The following VSIG10 variants were observed in gnomAD, a reference collection of about 807,000 sequenced individuals.
The protein encoded by VSIG10 is V-set and immunoglobulin domain-containing protein 10.
Under a neutral mutation model 58.7 loss-of-function variants are expected in VSIG10, and 48 were observed. The ratio of observed to expected loss-of-function variants is 0.82; its 90% confidence interval spans 0.65 to 1.04. VSIG10 has a LOEUF of 1.04. Among genes scored for constraint, VSIG10 ranks in the 50% least tolerant of loss-of-function variants. The pLI is 0.00. For synonymous variants in VSIG10, 260 were observed against 267.1 expected (o/e 0.97, Z 0.26); for missense variants, 628 against 670.0 (o/e 0.94, Z 0.69).
At chr12:118,086,270 C>A (rs943069492) in intron 2 of VSIG10, among the ~76,000 whole-genome samples, 1 of 152,030 alleles carries the variant, frequency 6.6e-6, no homozygotes, top group Non-Finnish European at 1.5e-5. Context: ...CAAGACCACC[C>A]TGGGCAATAT....
intron 1 of VSIG10, among the ~76,000 whole-genome samples, chr12:118,096,832 A>G (rs77163246): frequency 0.26 from 38,986 of 151,646 alleles, 5,340 homozygotes; most frequent in Admixed American, 0.32. Context: ...TAAGGTCAGG[A>G]GTTCGAGACC....
chr12:118,098,928 G>GGA (rs898272528), intron 1 of VSIG10, among the ~76,000 whole-genome samples: 1 of 150,628 alleles, frequency 6.6e-6, no homozygotes, highest in Non-Finnish European at 1.5e-5. Flanking sequence ...GGGGGTTGGG[G>GGA]GGGGTCTCAC....
chr12:118,090,906 G>A (rs1035999663), intron 2 of VSIG10, among the ~76,000 whole-genome samples: 5 of 152,112 alleles, frequency 3.3e-5, no homozygotes, highest in African/African-American at 4.8e-5. Flanking sequence ...GGACCAAGGC[G>A]GGTGGATCAC....
At position 118,064,089 on chromosome 12, in the gene VSIG10, A is replaced by G. The variant is rs1342169325; in HGVS notation, c.*2550T>C. On this transcript the variant is annotated 3_prime_UTR_variant, in exon 9 of 9. Transcript: ENST00000359236. ...ATTTTTTTTAAAGCACAGTGTAACA[A>G]CTTGGACTTTGCCACACAAACTGTA... 2.0e-5 allele frequency: 3 copies of G among 152,224 alleles called. No homozygotes were observed. The highest frequency in any genetic ancestry group is 1.3e-4 in the Admixed American group (2 of 15,284). The allele number at this position is 152,224 out of a possible 1,614,324, so 9.4% of individuals were successfully genotyped here. A position where few individuals can be genotyped will look rare whatever the true frequency, so the allele number is the denominator to read the frequency against.
intron 1 of VSIG10, among the ~76,000 whole-genome samples, chr12:118,100,714 A>G (rs2033602793): frequency 1.3e-5 from 2 of 152,058 alleles, no homozygotes; most frequent in South Asian, 4.1e-4. Context: ...ATTTTTGTAG[A>G]GACAGGGTTT....
chr12:118,093,395 A>C (rs2033355831), intron 2 of VSIG10, among the ~76,000 whole-genome samples: 2 of 151,828 alleles, frequency 1.3e-5, no homozygotes, highest in Non-Finnish European at 2.9e-5. Flanking sequence ...TTTTTTGTAA[A>C]TATGGGGTCT....
chr12:118,095,572 T>A lies in VSIG10; in HGVS notation c.322A>T (p.Asn108Tyr). The A allele has an allele frequency of 6.2e-7, 1 of 1,613,922 alleles. No homozygotes were observed. Among genetic ancestry groups the A allele is most frequent in the Non-Finnish European group, 8.5e-7 (1 of 1,179,880 alleles). The stretch of plus-strand genomic sequence containing the variant: ...CACACTTGGAACCACTGAGTCACAT[T>A]CAGGATCTCCTGGCAGGTGTAGATT... Reference protein sequence around the residue: ...EGIYTCQEILNVTQWFQVWLQ... With the variant: ...EGIYTCQEILYVTQWFQVWLQ... Residue 108 changes from asparagine to tyrosine, a missense_variant, in exon 2 of 9, where the codon AAT becomes TAT. By Grantham distance (143) the Asn-to-Tyr change is moderately radical (BLOSUM62 -2). Coordinates refer to ENST00000359236, the MANE Select transcript of VSIG10 (RefSeq NM_019086.6).
Position 118,095,736 on chromosome 12 carries a change from T to C in VSIG10, c.158A>G (p.Gln53Arg), listed in dbSNP as rs1480337368. 3 of 1,613,784 alleles carry C rather than the reference T, an allele frequency of 1.9e-6. No individual in the cohort carries two copies. The highest frequency in any genetic ancestry group is 1.3e-5 in the African/African-American group (1 of 75,044). ...CGAGTTGTTCCGGTACCAGGTCACC[T>C]GGCCCCTCAGTCCCGAGATGTTGCC... ...HCGNISGLRG[Q>R]VTWYRNNSEP... is the part of the protein sequence containing the mutation. The change falls in exon 2 of 9, where the codon CAG (glutamine) becomes CGG (arginine). Residue 53 changes from glutamine to arginine, a missense_variant. Physicochemically the swap from Gln to Arg is conservative, Grantham distance 43. Coordinates refer to ENST00000359236, the MANE Select transcript of VSIG10 (RefSeq NM_019086.6).
chr12:118,103,781 G>A lies in VSIG10; in HGVS notation c.-110C>T, dbSNP rs1156564610. ...AGGGCTCCTCCCAGGTCCTCGGAAC[G>A]GCAGAGTGGCCCCACTTCCTCGGCC... is the stretch of plus-strand genomic sequence containing the variant. On this transcript the variant is annotated 5_prime_UTR_variant, in exon 1 of 9. Coordinates refer to ENST00000359236, the MANE Select transcript of VSIG10 (RefSeq NM_019086.6). The A allele has an allele frequency of 1.7e-5, 18 of 1,074,308 alleles. No homozygotes were observed. Among genetic ancestry groups the A allele is most frequent in the South Asian group, 1.6e-4 (8 of 50,744 alleles). 66.5% of individuals were successfully genotyped at this position (1,074,308 alleles called of 1,614,324 possible).
At chr12:118,098,925 G>GT (rs1555275560) in intron 1 of VSIG10, among the ~76,000 whole-genome samples, 16 of 9,364 alleles carry the variant, frequency 1.7e-3, no homozygotes, top group Middle Eastern at 0.17. Context: ...GATGGGGGTT[G>GT]GGGGGGGTCT....
chr12:118,067,193 T>C (rs188531635), intron 8 of VSIG10, among the ~76,000 whole-genome samples: 2 of 151,960 alleles, frequency 1.3e-5, no homozygotes, highest in African/African-American at 4.8e-5. Flanking sequence ...CCAGCTAATT[T>C]TTTGTATTCT....
At chr12:118,075,156 ATATATGTATATATATG>A (rs1298623329) in intron 4 of VSIG10, among the ~76,000 whole-genome samples, 51 of 68,982 alleles carry the variant, frequency 7.4e-4, no homozygotes, top group Non-Finnish European at 1.2e-3. Context: ...GTATATGTAT[ATATATGTATATATATG>A]TATATATGTG....
chr12:118,075,440 C>T (rs1383992053), intron 4 of VSIG10, among the ~76,000 whole-genome samples: 2 of 152,192 alleles, frequency 1.3e-5, no homozygotes, highest in Non-Finnish European at 2.9e-5. Flanking sequence ...ACTGCAACCT[C>T]TGCCTCCCAG....
chr12:118,088,897 GAGGGAGT>G (rs1285158410), intron 2 of VSIG10, among the ~76,000 whole-genome samples: 1 of 151,960 alleles, frequency 6.6e-6, no homozygotes, highest in Non-Finnish European at 1.5e-5. Context: ...GACTTCCCTG[GAGGGAGT>G]ACAAAGTGCC....
intron 2 of VSIG10, among the ~76,000 whole-genome samples, chr12:118,088,783 T>C (rs1802226433): frequency 6.6e-6 from 1 of 152,148 alleles, no homozygotes; most frequent in Admixed American, 6.6e-5. Flanking sequence ...TATCTGTGTC[T>C]GGTTTTCACA....
chr12:118,103,577 G>T lies in VSIG10; in HGVS notation c.79+16C>A. On this transcript the variant is annotated intron_variant, in intron 1 of 8. Transcript: ENST00000359236. ...TGGGAAAACTCAACTTTTCCCTCCA[G>T]ATCGCGGCCCCTTACCTACGGCGAC... is the stretch of plus-strand genomic sequence containing the variant. 5 of 1,517,150 alleles carry T rather than the reference G, an allele frequency of 3.3e-6. No individual in the cohort carries two copies. The highest frequency in any genetic ancestry group is 4.4e-6 in the Non-Finnish European group (5 of 1,138,004). 94.0% of individuals were successfully genotyped at this position (1,517,150 alleles called of 1,614,324 possible).
At chr12:118,096,654 C>G (rs1413767061) in intron 1 of VSIG10, among the ~76,000 whole-genome samples, 2 of 151,030 alleles carry the variant, frequency 1.3e-5, no homozygotes, top group East Asian at 4.0e-4. Context: ...GCAGGAGAAT[C>G]ACTTGATCCG....
At chr12:118,075,360 C>CT (rs896635965) in intron 4 of VSIG10, among the ~76,000 whole-genome samples, 1 of 151,598 alleles carries the variant, frequency 6.6e-6, no homozygotes, top group Admixed American at 6.6e-5. Context: ...TTCTTTTTTT[C>CT]TTTTTTTGTT....
chr12:118,094,386 A>AT (rs976810492), intron 2 of VSIG10, among the ~76,000 whole-genome samples: 3 of 150,546 alleles, frequency 2.0e-5, no homozygotes, highest in Admixed American at 1.3e-4. Flanking sequence ...TTATTTGTTT[A>AT]TTTTTCTTTT....
Sources: gnomAD v4.1 joint callset for allele counts (sites outside exome capture counted in the v4.1 genomes callset) on GRCh38, gnomAD v4.1.1 for gene constraint, MANE v1.5 for transcripts, NCBI Gene and HGNC (gene_info 2026-07-23, HGNC 2026-07-21) for gene names.